Variants in CNTN4 observed in about 807,000 individuals in gnomAD.
The protein encoded by CNTN4 is contactin 4.
Under a neutral mutation model 122.5 loss-of-function variants are expected in CNTN4, and 77 were observed. The observed-to-expected ratio is 0.63, with a 90% confidence interval of 0.52 to 0.76. CNTN4 has a LOEUF of 0.76. CNTN4 is among the 30% of genes least tolerant of loss of function. The pLI, the probability that CNTN4 is intolerant of heterozygous loss-of-function variation, is 0.00. For synonymous variants in CNTN4, 512 were observed against 447.0 expected (o/e 1.15, Z -1.83); for missense variants, 1,256 against 1,259.1 (o/e 1.00, Z 0.04).
At chr3:2,268,641 A>C (rs965685665) in intron 2 of CNTN4, among the ~76,000 whole-genome samples, 1 of 152,098 alleles carries the variant, frequency 6.6e-6, no homozygotes, top group African/African-American at 2.4e-5. Flanking sequence ...ATTTCTGTCT[A>C]TCTATCTGTC....
At chr3:2,945,950 G>C (rs1242571841) in intron 13 of CNTN4, among the ~76,000 whole-genome samples, 1 of 152,154 alleles carries the variant, frequency 6.6e-6, no homozygotes, top group East Asian at 1.9e-4. Flanking sequence ...GAAATGTTCT[G>C]TACAACTTAT....
intron 14 of CNTN4, among the ~76,000 whole-genome samples, chr3:3,019,510 G>A (rs1176904115): frequency 6.6e-6 from 1 of 151,718 alleles, no homozygotes; most frequent in Non-Finnish European, 1.5e-5. Flanking sequence ...GGCCAGGCTG[G>A]TCTGGAACTC....
Position 2,421,884 on chromosome 3 carries a change from A to G in CNTN4, c.-89+82651A>G, listed in dbSNP as rs1183883455. 4.6e-5 allele frequency among the ~76,000 whole-genome samples: 7 copies of G among 152,176 alleles called. No homozygotes were observed. In the East Asian group the frequency reaches 1.3e-3, roughly 29 times the overall value. ...ACTTTAGTCACAGAGAGATTAAATA[A>G]TTTGCTCAACAACACACAAGGAAGT... On this transcript the variant is annotated intron_variant, in intron 3 of 24. Coordinates refer to ENST00000418658, the MANE Select transcript of CNTN4 (RefSeq NM_175607.3).
chr3:2,951,514 T>G (rs928536442), intron 13 of CNTN4, among the ~76,000 whole-genome samples: 3 of 152,212 alleles, frequency 2.0e-5, no homozygotes, highest in Non-Finnish European at 4.4e-5. Flanking sequence ...CCAGTCTGTC[T>G]GCAGCCTGGG....
At chr3:2,807,252 C>G (rs927233242) in intron 6 of CNTN4, among the ~76,000 whole-genome samples, 2 of 152,212 alleles carry the variant, frequency 1.3e-5, no homozygotes, top group African/African-American at 2.4e-5. Flanking sequence ...GCAGCCTTAT[C>G]TCTGATTCTT....
At chr3:2,849,072 C>T (rs75544784) in intron 7 of CNTN4, among the ~76,000 whole-genome samples, 4,504 of 152,224 alleles carry the variant, frequency 0.03, 102 homozygotes, top group Non-Finnish European at 0.045. Context: ...GATCCCATCC[C>T]GAAGAGTTAT....
At chr3:2,704,735 A>G (rs1351049548) in intron 4 of CNTN4, among the ~76,000 whole-genome samples, 2 of 152,234 alleles carry the variant, frequency 1.3e-5, no homozygotes, top group Admixed American at 6.5e-5. Flanking sequence ...TCACATTTTT[A>G]TAAGACAGGA....
chr3:2,450,495 T>C (rs2048790392), intron 3 of CNTN4, among the ~76,000 whole-genome samples: 1 of 152,220 alleles, frequency 6.6e-6, no homozygotes, highest in African/African-American at 2.4e-5. Flanking sequence ...AAGGCTATGA[T>C]GATTCTCAAT....
intron 7 of CNTN4, among the ~76,000 whole-genome samples, chr3:2,840,660 C>T (rs942049016): frequency 4.7e-5 from 7 of 147,592 alleles, no homozygotes; most frequent in Admixed American, 4.2e-4. Flanking sequence ...GATCACACCA[C>T]TGCACTCCAG....
intron 4 of CNTN4, among the ~76,000 whole-genome samples, chr3:2,718,594 C>G (rs377677724): frequency 5.3e-5 from 8 of 152,210 alleles, no homozygotes; most frequent in Admixed American, 2.0e-4. Flanking sequence ...CAGTAGTTTT[C>G]TATTTATTTC....
chr3:2,773,762 C>CTTTTTTTTTTTTTTTTTTTTTTTTTTT (rs1234334638), intron 6 of CNTN4, among the ~76,000 whole-genome samples: 1 of 107,542 alleles, frequency 9.3e-6, no homozygotes, highest in African/African-American at 3.5e-5. Context: ...ATGTAGTAGA[C>CTTTTTTTTTTTTTTTTTTTTTTTTTTT]TTTTTTTTTT....
intron 3 of CNTN4, among the ~76,000 whole-genome samples, chr3:2,567,788 T>C (rs1216555921): frequency 6.6e-6 from 1 of 152,166 alleles, no homozygotes; most frequent in African/African-American, 2.4e-5. Context: ...CCTTCCTCCC[T>C]CTTATTTATC....
At position 2,715,670 on chromosome 3, in the gene CNTN4, C is replaced by T. The variant is rs147624468; in HGVS notation, c.56-20545C>T. On this transcript the variant is annotated intron_variant, in intron 4 of 24. Transcript: ENST00000418658. ...TTTTGGAAGCTGAGGAATACAAGAT[C>T]AAGGTGCCACCTGACTTCCTTTCTG... is the stretch of plus-strand genomic sequence containing the variant. Among the ~76,000 whole-genome samples, 3 of 152,306 alleles carry T rather than the reference C, an allele frequency of 2.0e-5. No individual in the cohort carries two copies. In the East Asian group the frequency reaches 5.8e-4, roughly 29 times the overall value.
At chr3:2,722,902 C>CA (rs2087951250) in intron 4 of CNTN4, among the ~76,000 whole-genome samples, 1 of 151,982 alleles carries the variant, frequency 6.6e-6, no homozygotes, top group African/African-American at 2.4e-5. Context: ...CTGCTAATTC[C>CA]AAAAAAGAAC....
chr3:2,821,743 G>T (rs1216495549), intron 7 of CNTN4, among the ~76,000 whole-genome samples: 1 of 152,154 alleles, frequency 6.6e-6, no homozygotes, highest in East Asian at 1.9e-4. Flanking sequence ...TATTTATTAG[G>T]ATTCCACTAA....
At chr3:2,827,606 G>T (rs562372020) in intron 7 of CNTN4, among the ~76,000 whole-genome samples, 1 of 152,276 alleles carries the variant, frequency 6.6e-6, no homozygotes, top group East Asian at 1.9e-4. Context: ...AACATAAATT[G>T]GTTATGCTCT....
intron 13 of CNTN4, among the ~76,000 whole-genome samples, chr3:2,958,438 C>A (rs1489168478): frequency 6.6e-6 from 1 of 152,148 alleles, no homozygotes; most frequent in Admixed American, 6.5e-5. Flanking sequence ...TTATTGAATT[C>A]TCATGGCAGC....
intron 4 of CNTN4, among the ~76,000 whole-genome samples, chr3:2,661,236 A>G (rs2083876340): frequency 6.6e-6 from 1 of 152,196 alleles, no homozygotes. Flanking sequence ...TTGAAAGTGT[A>G]TTCATGGCAG....
At chr3:2,340,685 T>TTATATATATATATATATA (rs373402290) in intron 3 of CNTN4, among the ~76,000 whole-genome samples, 30 of 29,612 alleles carry the variant, frequency 1.0e-3, no homozygotes, top group African/African-American at 1.9e-3. Flanking sequence ...GTCATAAATT[T>TTATATATATATATATATA]TATATATATA....
Sources: gnomAD v4.1 joint callset for allele counts (sites outside exome capture counted in the v4.1 genomes callset) on GRCh38, gnomAD v4.1.1 for gene constraint, MANE v1.5 for transcripts, NCBI Gene and HGNC (gene_info 2026-07-23, HGNC 2026-07-21) for gene names.